The following STK10 variants were observed in gnomAD, a reference collection of about 807,000 sequenced individuals.
STK10 encodes serine/threonine kinase 10.
In STK10, 78 loss-of-function variants were observed where a neutral mutation model predicts 113.8. The ratio of observed to expected loss-of-function variants is 0.69; its 90% CI spans 0.57 to 0.83. The LOEUF (loss-of-function observed/expected upper bound fraction) is 0.83, where lower values mean the gene tolerates loss of function less well. STK10 is among the 40% of genes least tolerant of loss of function. The pLI, the probability that STK10 is intolerant of heterozygous loss-of-function variation, is 0.00. For synonymous variants in STK10, 465 were observed against 494.7 expected (o/e 0.94, Z 0.80); for missense variants, 1,109 against 1,280.1 (o/e 0.87, Z 2.04).
chr5:172,084,163 A>G (rs1469864676), intron 10 of STK10, among the ~76,000 whole-genome samples: 1 of 151,976 alleles, frequency 6.6e-6, no homozygotes, highest in Non-Finnish European at 1.5e-5. Context: ...GCACTTTGGG[A>G]GGCCGAGGAG....
chr5:172,146,461 G>T (rs553581462), intron 2 of STK10, among the ~76,000 whole-genome samples: 1 of 152,160 alleles, frequency 6.6e-6, no homozygotes, highest in South Asian at 2.1e-4. Context: ...AAGGAAAACG[G>T]AACACAGCCC....
At chr5:172,119,458 G>A (rs1168888040) in intron 3 of STK10, among the ~76,000 whole-genome samples, 2 of 152,156 alleles carry the variant, frequency 1.3e-5, no homozygotes, top group East Asian at 3.8e-4. Flanking sequence ...CTCAATGCCT[G>A]TAGTGCCAGC....
In STK10 at chr5:172,093,363, A is replaced by T; in HGVS notation, c.1554+49T>A. The T allele has an allele frequency of 6.6e-7, 1 of 1,526,192 alleles. No individual in the cohort carries two copies. Among genetic ancestry groups the T allele is most frequent in the Non-Finnish European group, 8.8e-7 (1 of 1,134,438 alleles). The allele number at this position is 1,526,192 out of a possible 1,614,324, so 94.5% of individuals were successfully genotyped here. A position where few individuals can be genotyped will look rare whatever the true frequency, so the allele number is the denominator to read the frequency against. On this transcript the variant is annotated intron_variant, in intron 9 of 18. Coordinates refer to ENST00000176763, the MANE Select transcript of STK10 (RefSeq NM_005990.4). This position sits in a 1 kb window ranked among gnomAD's most constrained non-coding sequence, Gnocchi z 4.1. The stretch of plus-strand genomic sequence containing the variant: ...TGAAACCAAAATGGAGCCACAGAAC[A>T]TCCTGCAATGGTCTTGCTGCAAGCC...
chr5:172,129,457 T>C (rs970930843), intron 2 of STK10, among the ~76,000 whole-genome samples: 1 of 152,152 alleles, frequency 6.6e-6, no homozygotes, highest in Non-Finnish European at 1.5e-5. Flanking sequence ...TCTCTAACAC[T>C]ACAGTGACCT....
rs1767386001 is a variant in STK10 at position 172,042,083 on chromosome 5, C to T, written c.*2799G>A. ...AAGAACAACCTGAACGGCAAATAAC[C>T]TTGTTATTTTATTAGAAGCATATTT... On this transcript the variant is annotated 3_prime_UTR_variant, in exon 19 of 19. Transcript: ENST00000176763. 1 of 152,570 alleles carries T rather than the reference C, an allele frequency of 6.6e-6. No homozygotes were observed. Among genetic ancestry groups the T allele is most frequent in the African/African-American group, 2.4e-5 (1 of 41,410 alleles). 9.5% of individuals were successfully genotyped at this position (152,570 alleles called of 1,614,324 possible).
chr5:172,077,060 C>G (rs1011203186), intron 12 of STK10, among the ~76,000 whole-genome samples: 1 of 152,198 alleles, frequency 6.6e-6, no homozygotes, highest in Non-Finnish European at 1.5e-5. Context: ...CAGTATCCCC[C>G]GAGGACATTC....
In STK10 at chr5:172,083,010, T is replaced by C; in HGVS notation, c.1760A>G (p.His587Arg). ...HRNQTQLSNK[H>R]ELQLEQMHKR... is the part of the protein sequence containing the mutation. ...ATGCATTTGCTCCAGCTGCAGCTCA[T>C]GCTTGTTACTCAGCTGGGTCTGGTT... The change falls in exon 11 of 19, where the codon CAT (histidine) becomes CGT (arginine). Residue 587 changes from histidine (H) to arginine (R), a missense_variant. Around this residue, in one of 5 missense-constraint regions of STK10, gnomAD observed 885 missense variants for 991.1 expected, o/e 0.89. Transcript: ENST00000176763. 1 of 1,614,130 alleles carries C rather than the reference T, an allele frequency of 6.2e-7. No homozygotes were observed. The highest frequency in any genetic ancestry group is 1.3e-5 in the African/African-American group (1 of 75,062).
At chr5:172,087,154 G>GTGTGTGTGTGTGTGT (rs1419850106) in intron 10 of STK10, among the ~76,000 whole-genome samples, 9 of 144,664 alleles carry the variant, frequency 6.2e-5, no homozygotes, top group African/African-American at 7.7e-5. Context: ...GTGTGTGTGT[G>GTGTGTGTGTGTGTGT]GTGTATGCAG....
At chr5:172,054,419 G>C (rs1156855766) in intron 17 of STK10, 150 bp downstream of exon 17, 9 of 1,199,310 alleles carry the variant, frequency 7.5e-6, no homozygotes, top group Non-Finnish European at 1.0e-5. Context: ...CAGAGCCCTA[G>C]AGCAGCATGG....
chr5:172,132,028 G>A lies in STK10; in HGVS notation c.322-4607C>T, dbSNP rs574687914. ...GCAAGAAGGCCCTCGCCAGATGCAG[G>A]GCCCTCAACCTTGGACTTCCCAGCC... is the stretch of plus-strand genomic sequence containing the variant. On this transcript the variant is annotated intron_variant, in intron 2 of 18. Coordinates refer to ENST00000176763, the MANE Select transcript of STK10 (RefSeq NM_005990.4). Among the ~76,000 whole-genome samples, 111 of 152,276 alleles carry A rather than the reference G, an allele frequency of 7.3e-4. 1 individual carries two copies. Among genetic ancestry groups the A allele is most frequent in the African/African-American group, 2.4e-3 (99 of 41,542 alleles).
At chr5:172,064,686 C>T (rs1296796070) in intron 13 of STK10, 34 bp downstream of exon 13, 1 of 1,608,268 alleles carries the variant, frequency 6.2e-7, no homozygotes, top group East Asian at 2.2e-5. Flanking sequence ...CTCGCACCAG[C>T]CCCTGCGCTC....
rs1770996076 is a variant in STK10 at position 172,188,173 on chromosome 5, C to T, written c.-131G>A. ...GGGGTTCTCCCCAGACCCGCCTTTC[C>T]CCGCAGCCCGACCTCGGTCAAGTGT... On this transcript the variant is annotated 5_prime_UTR_variant, in exon 1 of 19. Coordinates refer to ENST00000176763, the MANE Select transcript of STK10 (RefSeq NM_005990.4). The surrounding 1 kb of genome is among the most constrained non-coding windows in gnomAD (Gnocchi z 5.6). 7.0e-7 allele frequency: 1 copy of T among 1,422,056 alleles called. No homozygotes were observed. Among genetic ancestry groups the T allele is most frequent in the Non-Finnish European group, 9.3e-7 (1 of 1,078,360 alleles). The allele number at this position is 1,422,056 out of a possible 1,614,324, so 88.1% of individuals were successfully genotyped here.
At chr5:172,171,669 C>A (rs535540823) in intron 1 of STK10, among the ~76,000 whole-genome samples, 1 of 140,126 alleles carries the variant, frequency 7.1e-6, no homozygotes, top group Admixed American at 7.2e-5. Flanking sequence ...AAGCCAAGAT[C>A]GCGTTACTGC....
intron 1 of STK10, among the ~76,000 whole-genome samples, chr5:172,171,525 C>T (rs1367101958): frequency 6.6e-6 from 1 of 152,034 alleles, no homozygotes. Context: ...ACCAGTCTGG[C>T]CAACAGAGTG....
At chr5:172,063,459 G>A (rs998541356) in intron 13 of STK10, 1 of 152,136 alleles carries the variant, frequency 6.6e-6, no homozygotes, top group African/African-American at 2.4e-5. Context: ...AAGTATTTGT[G>A]AACCTCTGTG....
intron 18 of STK10, 148 bp downstream of exon 18, chr5:172,052,781 C>T: frequency 1.4e-6 from 1 of 714,574 alleles, no homozygotes; most frequent in Non-Finnish European, 2.3e-6. Flanking sequence ...TTAGAAAGTT[C>T]CCCTCTCTCT....
At chr5:172,045,421 C>G in intron 18 of STK10, 1 of 462,052 alleles carries the variant, frequency 2.2e-6, no homozygotes, top group South Asian at 1.5e-5. Context: ...TCAAAATACA[C>G]ATGCCTGAGT....
Position 172,093,555 on chromosome 5 carries a change from CCAGG to C in STK10, c.1407_1410del (p.Ser469ArgfsTer39). On this transcript the variant is annotated frameshift_variant, in exon 9 of 19. Coordinates refer to ENST00000176763, the MANE Select transcript of STK10 (RefSeq NM_005990.4). LOFTEE classifies it high-confidence loss of function. The surrounding 1 kb of genome is among the most constrained non-coding windows in gnomAD (Gnocchi z 4.1). ...CCTGGAGCTGCCTGGGCAGGTGGCT[CCAGG>C]CTGCCATTGGCCAGCTTCTCCCCAC... 6.2e-7 allele frequency: 1 copy of C among 1,614,086 alleles called. No individual in the cohort carries two copies. The highest frequency in any genetic ancestry group is 8.5e-7 in the Non-Finnish European group (1 of 1,179,948).
chr5:172,067,356 CTAAA>C (rs1768091719), intron 12 of STK10, among the ~76,000 whole-genome samples: 1 of 148,668 alleles, frequency 6.7e-6, no homozygotes, highest in African/African-American at 2.5e-5. Context: ...GACCCTGTCT[CTAAA>C]TAAATAAATA....
Sources: allele counts gnomAD v4.1 joint callset (sites outside exome capture counted in the v4.1 genomes callset), GRCh38; gene constraint gnomAD v4.1.1; regional missense constraint gnomAD v4.1.1; non-coding constraint Gnocchi (gnomAD v3.1); transcripts MANE v1.5; gene names NCBI Gene and HGNC (gene_info 2026-07-23, HGNC 2026-07-21).